Variants in NMBR observed in about 807,000 individuals in gnomAD.
The protein encoded by NMBR is neuromedin B receptor.
Under a neutral mutation model 20.5 loss-of-function variants are expected in NMBR, and 16 were observed. The observed-to-expected ratio is 0.78, with a 90% CI of 0.53 to 1.19. NMBR has a LOEUF of 1.19. Among genes scored for constraint, NMBR ranks in the 50% most tolerant of loss-of-function variants. The probability of loss-of-function intolerance (pLI) is 0.00; values close to 1 mark genes in which losing one functional copy is unlikely to be tolerated. For synonymous variants in NMBR, 212 were observed against 196.6 expected, an observed-to-expected ratio of 1.08 and a Z score of -0.65; for missense variants, 582 against 499.1, an observed-to-expected ratio of 1.17 and a Z score of -1.58.
chr6:142,138,903 T>C (rs1278640587), intron 1 of NMBR, among the ~76,000 whole-genome samples: 1 of 152,214 alleles, frequency 6.6e-6, no homozygotes, highest in Non-Finnish European at 1.5e-5. Context: ...TCCTTTCTGC[T>C]TCCTTTTAAG....
chr6:142,137,110 G>C (rs1488124829), intron 1 of NMBR, among the ~76,000 whole-genome samples: 1 of 151,816 alleles, frequency 6.6e-6, no homozygotes, highest in Non-Finnish European at 1.5e-5. Flanking sequence ...TCACGATATT[G>C]ATTCTTCCTA....
intron 1 of NMBR, among the ~76,000 whole-genome samples, chr6:142,112,135 T>C (rs1347696561): frequency 1.3e-5 from 2 of 152,294 alleles, no homozygotes; most frequent in East Asian, 3.9e-4. Flanking sequence ...GAGACCAGCA[T>C]GGGCAAAATG....
At chr6:142,077,839 C>T (rs896597858) in intron 3 of NMBR, among the ~76,000 whole-genome samples, 1 of 152,222 alleles carries the variant, frequency 6.6e-6, no homozygotes, top group Non-Finnish European at 1.5e-5. Flanking sequence ...ACCAGAAACT[C>T]TTTGTCACAA....
intron 1 of NMBR, among the ~76,000 whole-genome samples, chr6:142,106,569 A>T (rs771343958): frequency 3.9e-5 from 6 of 152,238 alleles, no homozygotes; most frequent in Non-Finnish European, 5.9e-5. Flanking sequence ...TACAGCTTTT[A>T]TAAAGGATTG....
rs541414821 is a variant in NMBR, at chr6:142,079,030, A to G, written c.423-127T>C. The G allele has an allele frequency of 1.6e-5, 8 of 514,758 alleles. No homozygotes were observed. The South Asian group carries it at 1.8e-4, about 12-fold the overall frequency. 31.9% of individuals were successfully genotyped at this position (514,758 alleles called of 1,614,324 possible). A position where few individuals can be genotyped will look rare whatever the true frequency, so the allele number is the denominator to read the frequency against. On this transcript the variant is annotated intron_variant, in intron 2 of 3. Coordinates refer to ENST00000258042, the MANE Select transcript of NMBR (RefSeq NM_002511.4). The stretch of plus-strand genomic sequence containing the variant: ...AAAGGAAGAAAGGGAGAGAGAGAGA[A>G]AGAAAGAAAGAGAGAAAGAAAGAGA...
intron 1 of NMBR, among the ~76,000 whole-genome samples, chr6:142,144,979 T>G (rs1438207318): frequency 7.3e-6 from 1 of 136,660 alleles, no homozygotes; most frequent in Non-Finnish European, 1.5e-5. Context: ...GCTCTGATAG[T>G]GTGCTGCACT....
chr6:142,083,630 T>A (rs1777143148), intron 2 of NMBR, among the ~76,000 whole-genome samples: 1 of 151,972 alleles, frequency 6.6e-6, no homozygotes, highest in Non-Finnish European at 1.5e-5. Context: ...CTCATGGTAG[T>A]GAGTGAGTTC....
At chr6:142,110,503 G>A (rs1279298447) in intron 1 of NMBR, among the ~76,000 whole-genome samples, 1 of 152,176 alleles carries the variant, frequency 6.6e-6, no homozygotes, top group Non-Finnish European at 1.5e-5. Flanking sequence ...ATGAAATGGA[G>A]TGCATGAAAT....
intron 1 of NMBR, among the ~76,000 whole-genome samples, chr6:142,132,358 C>A (rs964676622): frequency 1.6e-4 from 25 of 151,996 alleles, no homozygotes; most frequent in Admixed American, 1.6e-3. Context: ...TCCTCAACAC[C>A]CATAACAATG....
intron 1 of NMBR, among the ~76,000 whole-genome samples, chr6:142,123,053 TG>T (rs1352673022): frequency 6.6e-6 from 1 of 151,964 alleles, no homozygotes; most frequent in Non-Finnish European, 1.5e-5. Flanking sequence ...CTGATAGATC[TG>T]GTCAAAGTAA....
rs112001748 is a variant in NMBR at position 142,085,037 on chromosome 6, A to G, written c.422+3200T>C. ...AATTGTAACAAAACTGTCTATCAAG[A>G]TAACAGTTTAAAAAATAATAAAAAA... is the stretch of plus-strand genomic sequence containing the variant. On this transcript the variant is annotated intron_variant, in intron 2 of 3. Transcript: ENST00000258042. Among the ~76,000 whole-genome samples the G allele has an allele frequency of 9.7e-3, 1,477 of 152,312 alleles. 32 individuals carry two copies. The highest frequency in any genetic ancestry group is 0.034 in the African/African-American group (1,401 of 41,558).
chr6:142,135,541 A>T (rs1582864446), intron 1 of NMBR, among the ~76,000 whole-genome samples: 1 of 151,696 alleles, frequency 6.6e-6, no homozygotes, highest in Non-Finnish European at 1.5e-5. Context: ...CATGTGCACA[A>T]TGTGCAGGTT....
Position 142,089,148 on chromosome 6 carries a change from T to C in NMBR, c.-490A>G, listed in dbSNP as rs1777269604. ...ACCTGCTTTTCCCACAGCTTTGCTC[T>C]TGTTTGTGAAGTTCCTGTTGTATTG... On this transcript the variant is annotated 5_prime_UTR_variant, in exon 2 of 4. Coordinates refer to ENST00000258042, the MANE Select transcript of NMBR (RefSeq NM_002511.4). 1.2e-5 allele frequency: 2 copies of C among 166,122 alleles called. No homozygotes were observed. Among genetic ancestry groups the C allele is most frequent in the Admixed American group, 1.1e-4 (2 of 18,172 alleles). The allele number at this position is 166,122 out of a possible 1,614,324, so 10.3% of individuals were successfully genotyped here.
intron 1 of NMBR, among the ~76,000 whole-genome samples, chr6:142,131,060 T>A (rs1347739066): frequency 6.6e-6 from 1 of 152,194 alleles, no homozygotes; most frequent in African/African-American, 2.4e-5. Flanking sequence ...GTCATCCTAT[T>A]CCTGTATCAC....
Position 142,075,486 on chromosome 6 carries a change from A to C in NMBR, c.*162T>G, listed in dbSNP as rs952503105. On this transcript the variant is annotated 3_prime_UTR_variant, in exon 4 of 4. Transcript: ENST00000258042. ...ATTCTAATTATTAGGAAATGAAAAG[A>C]GAAAAAATAAAGTCTAGTGTAGAGA... is the stretch of plus-strand genomic sequence containing the variant. 1.0e-5 allele frequency: 6 copies of C among 580,722 alleles called. No homozygotes were observed. The African/African-American group carries it at 1.1e-4, about 11-fold the overall frequency. 36.0% of individuals were successfully genotyped at this position (580,722 alleles called of 1,614,324 possible).
chr6:142,078,985 GAAGA>G lies in NMBR; in HGVS notation c.423-86_423-83del, dbSNP rs1777022430. 4 of 880,458 alleles carry G rather than the reference GAAGA, an allele frequency of 4.5e-6. No homozygotes were observed. The African/African-American group carries it at 5.4e-5, about 12-fold the overall frequency. 54.5% of individuals were successfully genotyped at this position (880,458 alleles called of 1,614,324 possible). On this transcript the variant is annotated intron_variant, in intron 2 of 3. Coordinates refer to ENST00000258042, the MANE Select transcript of NMBR (RefSeq NM_002511.4). Reference sequence around the variant, plus strand: ...AGAAAAGAAAGAAAGAAAAAGAAAGGAAGAAAGGGAGAGAGAGAGAAAGGAAGAA... The same window carrying G: ...AGAAAAGAAAGAAAGAAAAAGAAAGGAAGGGAGAGAGAGAGAAAGGAAGAA...
At position 142,081,237 on chromosome 6, in the gene NMBR, T is replaced by A. The variant is rs544810143; in HGVS notation, c.423-2334A>T. 2.6e-5 allele frequency among the ~76,000 whole-genome samples: 4 copies of A among 152,310 alleles called. No homozygotes were observed. In the East Asian group the frequency reaches 7.7e-4, roughly 29 times the overall value. On this transcript the variant is annotated intron_variant, in intron 2 of 3. Coordinates refer to ENST00000258042, the MANE Select transcript of NMBR (RefSeq NM_002511.4). ...AATCACCTCCCAAAGGCCCACCTCT[T>A]AATGCCATCATCTTGGGGAGTAGGA...
chr6:142,099,967 C>T (rs73577711), intron 1 of NMBR, among the ~76,000 whole-genome samples: 3,584 of 152,224 alleles, frequency 0.024, 155 homozygotes, highest in African/African-American at 0.08. Context: ...TAAAAAGTTG[C>T]TTACATCATG....
intron 1 of NMBR, among the ~76,000 whole-genome samples, chr6:142,124,035 G>A (rs1777990882): frequency 1.3e-5 from 2 of 151,904 alleles, no homozygotes; most frequent in Admixed American, 1.3e-4. Context: ...GAGAGGATCA[G>A]TTACCTTCGA....
Sources: allele counts gnomAD v4.1 joint callset (sites outside exome capture counted in the v4.1 genomes callset), GRCh38; gene constraint gnomAD v4.1.1; transcripts MANE v1.5; gene names NCBI Gene and HGNC (gene_info 2026-07-23, HGNC 2026-07-21).